MARCHF1: variants seen among roughly 807,000 people sequenced by gnomAD.
MARCHF1 encodes E3 ubiquitin-protein ligase MARCHF1.
In MARCHF1, 40 loss-of-function variants were observed where a neutral mutation model predicts 54.2. The observed-to-expected ratio is 0.74, with a 90% CI of 0.57 to 0.96. The LOEUF is 0.96. Among genes scored for constraint, MARCHF1 ranks in the 40% least tolerant of loss-of-function variants. MARCHF1 has a pLI of 0.00. For synonymous variants in MARCHF1, 236 were observed against 236.3 expected, an observed-to-expected ratio of 1.00 and a Z score of 0.01; for missense variants, 586 against 656.5, an observed-to-expected ratio of 0.89 and a Z score of 1.17.
At chr4:164,121,676 C>A (rs1036715243) in intron 1 of MARCHF1, among the ~76,000 whole-genome samples, 17 of 151,950 alleles carry the variant, frequency 1.1e-4, no homozygotes, top group African/African-American at 3.1e-4. Flanking sequence ...AAACCAGTAA[C>A]CAGTAACAAG....
intron 2 of MARCHF1, among the ~76,000 whole-genome samples, chr4:163,993,300 T>C (rs766393784): frequency 6.6e-6 from 1 of 152,148 alleles, no homozygotes; most frequent in Admixed American, 6.6e-5. Context: ...ATGGGTTTTG[T>C]CTGATTATTG....
intron 2 of MARCHF1, among the ~76,000 whole-genome samples, chr4:164,079,958 A>C (rs1292135789): frequency 6.6e-6 from 1 of 152,156 alleles, no homozygotes; most frequent in African/African-American, 2.4e-5. Flanking sequence ...ATACCTCACT[A>C]TTCATGCCCC....
At chr4:163,537,552 G>T (rs929848550) in intron 9 of MARCHF1, among the ~76,000 whole-genome samples, 3 of 152,250 alleles carry the variant, frequency 2.0e-5, no homozygotes, top group Middle Eastern at 3.4e-3. Context: ...ATTTATCTGA[G>T]GCCCAAGAAC....
chr4:164,065,769 C>T (rs1754713047), intron 2 of MARCHF1, among the ~76,000 whole-genome samples: 1 of 152,124 alleles, frequency 6.6e-6, no homozygotes, highest in Admixed American at 6.5e-5. Flanking sequence ...TTGAGAGCCC[C>T]AGGCAAACCA....
chr4:164,380,581 T>C (rs1242946833), intron 1 of MARCHF1, among the ~76,000 whole-genome samples: 1 of 152,224 alleles, frequency 6.6e-6, no homozygotes, highest in Non-Finnish European at 1.5e-5. Context: ...AATTGCAAAA[T>C]GAACCCAATA....
chr4:163,529,330 GAT>G (rs1738264966), intron 9 of MARCHF1, among the ~76,000 whole-genome samples: 1 of 151,882 alleles, frequency 6.6e-6, no homozygotes, highest in Admixed American at 6.6e-5. Context: ...ATAATTATGA[GAT>G]ATTATGTTAG....
At chr4:164,054,971 T>G (rs1010744516) in intron 2 of MARCHF1, among the ~76,000 whole-genome samples, 1 of 152,122 alleles carries the variant, frequency 6.6e-6, no homozygotes, top group South Asian at 2.1e-4. Flanking sequence ...TACTGTCATG[T>G]AATATGAAAG....
At chr4:163,725,685 C>A (rs566119508) in intron 4 of MARCHF1, among the ~76,000 whole-genome samples, 1 of 152,102 alleles carries the variant, frequency 6.6e-6, no homozygotes. Flanking sequence ...TGTCAGGGCA[C>A]AGAATCTCAA....
intron 4 of MARCHF1, among the ~76,000 whole-genome samples, chr4:163,804,987 TTAAA>T (rs1467625481): frequency 6.6e-6 from 1 of 152,148 alleles, no homozygotes; most frequent in Non-Finnish European, 1.5e-5. Flanking sequence ...TAAGATGCTC[TTAAA>T]TAGTTTATTT....
intron 1 of MARCHF1, among the ~76,000 whole-genome samples, chr4:164,337,222 C>T (rs551444831): frequency 6.6e-6 from 1 of 152,310 alleles, no homozygotes; most frequent in East Asian, 1.9e-4. Flanking sequence ...ATTTTGACTA[C>T]CACCTGTGGA....
chr4:163,858,810 A>T (rs183638932), intron 3 of MARCHF1, among the ~76,000 whole-genome samples: 17 of 152,340 alleles, frequency 1.1e-4, no homozygotes, highest in African/African-American at 4.1e-4. Context: ...GCTCACACAC[A>T]GTCCTTACAC....
chr4:163,948,566 GT>G (rs2110773774), intron 3 of MARCHF1, among the ~76,000 whole-genome samples: 1 of 152,292 alleles, frequency 6.6e-6, no homozygotes, highest in Admixed American at 6.5e-5. Flanking sequence ...TCGAGGATAG[GT>G]TGTTTTTCAG....
intron 1 of MARCHF1, chr4:164,189,341 T>A (rs564766299): frequency 1.5e-5 from 9 of 614,434 alleles, no homozygotes; most frequent in African/African-American, 1.3e-4. Flanking sequence ...TCTGAGACCC[T>A]GACTCAGGCC....
In MARCHF1 at chr4:163,527,355, A is replaced by C. The variant is rs1384101348; in HGVS notation, c.*1393T>G. ...CTGTCAGCTTTTAAAAGTAAGGGCT[A>C]GATTCTTAGTCATAATTACTCATCA... On this transcript the variant is annotated 3_prime_UTR_variant, in exon 10 of 10. Transcript: ENST00000514618. The C allele has an allele frequency of 6.6e-6, 1 of 152,106 alleles. No homozygotes were observed. Among genetic ancestry groups the C allele is most frequent in the Non-Finnish European group, 1.5e-5 (1 of 67,966 alleles). 9.4% of individuals were successfully genotyped at this position (152,106 alleles called of 1,614,324 possible).
intron 5 of MARCHF1, among the ~76,000 whole-genome samples, chr4:163,654,037 A>T (rs1434951897): frequency 2.0e-5 from 3 of 151,794 alleles, no homozygotes; most frequent in Non-Finnish European, 4.4e-5. Flanking sequence ...AACCACCATG[A>T]ATAGAAATCA....
At chr4:163,765,127 C>A (rs543877979) in intron 4 of MARCHF1, among the ~76,000 whole-genome samples, 14 of 152,122 alleles carry the variant, frequency 9.2e-5, no homozygotes, top group Non-Finnish European at 1.6e-4. Flanking sequence ...AAGTGAGAGA[C>A]TTTACACCAC....
chr4:163,903,595 TTTTCTTTC>T (rs139090570), intron 3 of MARCHF1, among the ~76,000 whole-genome samples: 29 of 151,248 alleles, frequency 1.9e-4, no homozygotes, highest in Middle Eastern at 3.4e-3. Context: ...AAATTTTATT[TTTTCTTTC>T]TTTCTTTCTT....
chr4:164,135,999 C>T (rs1314713858), intron 1 of MARCHF1, among the ~76,000 whole-genome samples: 1 of 151,664 alleles, frequency 6.6e-6, no homozygotes. Context: ...AAGACTACAT[C>T]GATTTCTAGG....
rs955086758 is a variant in MARCHF1 at position 163,545,650 on chromosome 4, A to G, written c.1285T>C (p.Leu429=). Residue 429 remains leucine, a synonymous_variant, in exon 9 of 10, where the codon TTG becomes CTG. Coordinates refer to ENST00000514618, the MANE Select transcript of MARCHF1 (RefSeq NM_001394959.1). The stretch of plus-strand genomic sequence containing the variant: ...GCTGTCCGGTCTATCAATACATACA[A>G]AGACCAAACCACACAGGTGATCGCG... ...VIAITCVVWS[L]YVLIDRTAEE... is the part of the protein sequence containing the mutation. 6 of 1,614,054 alleles carry G rather than the reference A, an allele frequency of 3.7e-6. No individual in the cohort carries two copies. Among genetic ancestry groups the G allele is most frequent in the Non-Finnish European group, 5.1e-6 (6 of 1,179,958 alleles).
Sources: allele counts gnomAD v4.1 joint callset (sites outside exome capture counted in the v4.1 genomes callset), GRCh38; gene constraint gnomAD v4.1.1; transcripts MANE v1.5; gene names NCBI Gene and HGNC (gene_info 2026-07-23, HGNC 2026-07-21).